The following MTHFD1L variants were observed in gnomAD, a reference collection of about 807,000 sequenced individuals.
MTHFD1L encodes the protein methylenetetrahydrofolate dehydrogenase (NADP+ dependent) 1 like.
MTHFD1L carries 81 observed loss-of-function variants against 119.5 expected under a neutral mutation model. The observed-to-expected ratio is 0.68, with a 90% confidence interval of 0.57 to 0.82. The LOEUF (loss-of-function observed/expected upper bound fraction) is 0.82. MTHFD1L is among the 40% of genes least tolerant of loss of function. The pLI is 0.00. For missense variants in MTHFD1L, 1,125 were observed against 1,253.4 expected (o/e 0.90, Z 1.55); for synonymous variants, 430 against 475.2 (o/e 0.90, Z 1.24).
At chr6:150,880,797 C>T (rs2128752726) in intron 4 of MTHFD1L, among the ~76,000 whole-genome samples, 1 of 152,262 alleles carries the variant, frequency 6.6e-6, no homozygotes, top group Non-Finnish European at 1.5e-5. Flanking sequence ...GCCATTCTAG[C>T]TTGATATCTC....
At chr6:150,921,214 G>C (rs938430350) in intron 9 of MTHFD1L, among the ~76,000 whole-genome samples, 13 of 151,716 alleles carry the variant, frequency 8.6e-5, no homozygotes, top group African/African-American at 3.1e-4. Context: ...CCACCTCCCG[G>C]GTTCAAGTGA....
At chr6:151,058,797 G>A (rs1170734704) in intron 26 of MTHFD1L, among the ~76,000 whole-genome samples, 1 of 152,164 alleles carries the variant, frequency 6.6e-6, no homozygotes, top group Non-Finnish European at 1.5e-5. Flanking sequence ...TTATTTAATA[G>A]CATCTCATCA....
At chr6:150,925,088 C>T (rs373833332) in intron 10 of MTHFD1L, among the ~76,000 whole-genome samples, 8 of 152,068 alleles carry the variant, frequency 5.3e-5, no homozygotes, top group African/African-American at 1.9e-4. Context: ...GGGTAGATTA[C>T]CTGCAGTAGC....
At chr6:150,995,520 A>C (rs1779699537) in intron 20 of MTHFD1L, among the ~76,000 whole-genome samples, 1 of 151,782 alleles carries the variant, frequency 6.6e-6, no homozygotes, top group Non-Finnish European at 1.5e-5. Flanking sequence ...GTCTCAAAAA[A>C]AAAAAAAAAA....
chr6:151,001,095 A>G (rs1424443401), intron 20 of MTHFD1L, among the ~76,000 whole-genome samples: 1 of 152,236 alleles, frequency 6.6e-6, no homozygotes, highest in East Asian at 1.9e-4. Flanking sequence ...TGCAAGGACT[A>G]GTTCTTCTGT....
At chr6:150,995,556 A>G (rs1201526676) in intron 20 of MTHFD1L, among the ~76,000 whole-genome samples, 4 of 152,112 alleles carry the variant, frequency 2.6e-5, no homozygotes, top group Non-Finnish European at 5.9e-5. Context: ...TCTCAAGGAC[A>G]TCATTCCTTT....
Position 150,922,292 on chromosome 6 carries a change from C to T in MTHFD1L, c.1072C>T (p.Pro358Ser). The T allele has an allele frequency of 1.2e-6, 2 of 1,613,838 alleles. No individual in the cohort carries two copies. Among genetic ancestry groups the T allele is most frequent in the Non-Finnish European group, 8.5e-7 (1 of 1,179,772 alleles). The change falls in exon 10 of 28, where the codon CCT (proline) becomes TCT (serine). Residue 358 changes from proline to serine, a missense_variant. Coordinates refer to ENST00000367321, the MANE Select transcript of MTHFD1L (RefSeq NM_015440.5). ...CTGCTTGAAACTTCAGCCTCTCTCC[C>T]CTGTGCCAAGGTAACACTGGTGTTT... ...LHCLKLQPLS[P>S]VPSDIEISRG...
chr6:151,013,910 C>T, intron 22 of MTHFD1L, 90 bp downstream of exon 22: 1 of 1,173,500 alleles, frequency 8.5e-7, no homozygotes, highest in South Asian at 1.3e-5. Flanking sequence ...CTTCAGTGGC[C>T]TCTTAGAAAA....
Position 151,015,618 on chromosome 6 carries a change from A to T in MTHFD1L, c.2511A>T (p.Gly837=). The T allele has an allele frequency of 6.2e-7, 1 of 1,614,102 alleles. No homozygotes were observed. Among genetic ancestry groups the T allele is most frequent in the South Asian group, 1.1e-5 (1 of 91,082 alleles). ...PCYHWSVGGK[G]SVDLARAVRE... is the part of the protein sequence containing the mutation. ...ATCACTGGTCCGTTGGTGGAAAAGGATCGGTGGACTTGGCTCGGGCTGTGA... is the reference window on the plus strand; with the variant it reads ...ATCACTGGTCCGTTGGTGGAAAAGGTTCGGTGGACTTGGCTCGGGCTGTGA... The change falls in exon 24 of 28, where the codon GGA becomes GGT. Residue 837 remains glycine (G), a synonymous_variant. Coordinates refer to ENST00000367321, the MANE Select transcript of MTHFD1L (RefSeq NM_015440.5).
intron 20 of MTHFD1L, among the ~76,000 whole-genome samples, chr6:150,996,654 G>A (rs1441278171): frequency 1.3e-5 from 2 of 152,104 alleles, no homozygotes; most frequent in Non-Finnish European, 2.9e-5. Context: ...ACAGCCCCAG[G>A]CCTGAGCAGC....
At position 150,880,908 on chromosome 6, in the gene MTHFD1L, C is replaced by T. The variant is rs77787655; in HGVS notation, c.418-1854C>T. Among the ~76,000 whole-genome samples, 486 of 152,168 alleles carry T rather than the reference C, an allele frequency of 3.2e-3. 2 individuals carry two copies. Among genetic ancestry groups the T allele is most frequent in the African/African-American group, 0.011 (439 of 41,528 alleles). ...ATGTCCTTTGGGAGATGTCTGTTCA[C>T]GTCTTTTGCACATTTTTTATTTGAA... On this transcript the variant is annotated intron_variant, in intron 4 of 27. Coordinates refer to ENST00000367321, the MANE Select transcript of MTHFD1L (RefSeq NM_015440.5).
chr6:150,987,315 G>A (rs1412055894), intron 20 of MTHFD1L, among the ~76,000 whole-genome samples: 1 of 152,106 alleles, frequency 6.6e-6, no homozygotes, highest in Non-Finnish European at 1.5e-5. Flanking sequence ...TGTCTGTAAA[G>A]CTGTAGGAAA....
intron 26 of MTHFD1L, among the ~76,000 whole-genome samples, chr6:151,059,636 C>G (rs1790398177): frequency 6.6e-6 from 1 of 152,134 alleles, no homozygotes; most frequent in African/African-American, 2.4e-5. Context: ...AAGTTTTGTT[C>G]CTAACACTCT....
intron 7 of MTHFD1L, among the ~76,000 whole-genome samples, chr6:150,894,064 G>A (rs986348019): frequency 5.9e-5 from 9 of 152,078 alleles, no homozygotes; most frequent in Admixed American, 1.3e-4. Flanking sequence ...GCAACATGGC[G>A]AAACTCCATC....
At chr6:150,925,254 C>G (rs115039400) in intron 10 of MTHFD1L, among the ~76,000 whole-genome samples, 1 of 152,154 alleles carries the variant, frequency 6.6e-6, no homozygotes, top group African/African-American at 2.4e-5. Context: ...AGTCCCCCGC[C>G]GCGTGGTCTC....
intron 7 of MTHFD1L, among the ~76,000 whole-genome samples, chr6:150,903,929 C>T (rs1388196346): frequency 2.0e-5 from 3 of 152,172 alleles, no homozygotes; most frequent in Non-Finnish European, 2.9e-5. Context: ...TAAAAGTTGA[C>T]TTTGTCAGCT....
intron 27 of MTHFD1L, among the ~76,000 whole-genome samples, chr6:151,097,550 T>TA (rs1794983760): frequency 6.6e-6 from 1 of 152,204 alleles, no homozygotes; most frequent in Non-Finnish European, 1.5e-5. Context: ...CTAAAAAGCT[T>TA]ACCCTCATAG....
chr6:151,048,926 A>G (rs1788539650), intron 26 of MTHFD1L, among the ~76,000 whole-genome samples: 1 of 152,132 alleles, frequency 6.6e-6, no homozygotes, highest in Non-Finnish European at 1.5e-5. Flanking sequence ...CTCTTATTCA[A>G]TTCAATCCTG....
chr6:151,002,732 G>T (rs1009538043), intron 20 of MTHFD1L, among the ~76,000 whole-genome samples: 3 of 152,196 alleles, frequency 2.0e-5, no homozygotes, highest in Non-Finnish European at 4.4e-5. Context: ...ACAACGATTA[G>T]CATAATGATC....
Sources: gnomAD v4.1 joint callset for allele counts (sites outside exome capture counted in the v4.1 genomes callset) on GRCh38, gnomAD v4.1.1 for gene constraint, MANE v1.5 for transcripts, NCBI Gene and HGNC (gene_info 2026-07-23, HGNC 2026-07-21) for gene names.